GRIK2: variants seen among roughly 807,000 people sequenced by gnomAD.
GRIK2 encodes glutamate ionotropic receptor kainate type subunit 2.
GRIK2 carries 32 observed loss-of-function variants against 100.3 expected under a neutral mutation model. The observed-to-expected ratio is 0.32, with a 90% confidence interval of 0.24 to 0.43. The LOEUF (loss-of-function observed/expected upper bound fraction) is 0.43. Ranked by LOEUF, GRIK2 falls within the 20% of genes least tolerant of loss-of-function variation. The probability of loss-of-function intolerance (pLI) is 1.00; values close to 1 mark genes in which losing one functional copy is unlikely to be tolerated. For synonymous variants in GRIK2, 417 were observed against 389.4 expected (o/e 1.07, Z -0.83); for missense variants, 843 against 1,114.9 (o/e 0.76, Z 3.47).
intron 7 of GRIK2, among the ~76,000 whole-genome samples, chr6:101,719,592 A>C (rs1192056540): frequency 6.6e-6 from 1 of 151,994 alleles, no homozygotes; most frequent in Non-Finnish European, 1.5e-5. Flanking sequence ...TTCAGTGGGC[A>C]GTTAGATGCA....
intron 2 of GRIK2, among the ~76,000 whole-genome samples, chr6:101,556,064 A>T (rs556622964): frequency 2.6e-5 from 4 of 152,104 alleles, no homozygotes; most frequent in Non-Finnish European, 4.4e-5. Context: ...GAATTACTAC[A>T]TTTTTATTTT....
chr6:101,642,592 C>A (rs1194438299), intron 4 of GRIK2, among the ~76,000 whole-genome samples: 1 of 151,638 alleles, frequency 6.6e-6, no homozygotes, highest in East Asian at 1.9e-4. Flanking sequence ...TTTTAAGGCT[C>A]AATTATATTC....
intron 7 of GRIK2, among the ~76,000 whole-genome samples, chr6:101,704,722 G>T (rs1241072150): frequency 1.3e-5 from 2 of 150,770 alleles, no homozygotes; most frequent in Non-Finnish European, 3.0e-5. Context: ...TAGTAAAGGA[G>T]GTTCTTTCCA....
At chr6:101,431,872 C>T (rs73502645) in intron 2 of GRIK2, among the ~76,000 whole-genome samples, 7,370 of 152,058 alleles carry the variant, frequency 0.048, 360 homozygotes, top group African/African-American at 0.11. Flanking sequence ...TGTAGACCCA[C>T]GTGCACTTTT....
chr6:101,864,818 G>A (rs1784951104), intron 11 of GRIK2, among the ~76,000 whole-genome samples: 1 of 152,012 alleles, frequency 6.6e-6, no homozygotes, highest in Non-Finnish European at 1.5e-5. Context: ...AATGTTATCA[G>A]AGAAAAGGGG....
intron 14 of GRIK2, 105 bp downstream of exon 14, chr6:101,928,737 A>G: frequency 1.5e-6 from 1 of 667,680 alleles, no homozygotes; most frequent in Non-Finnish European, 2.7e-6. Context: ...TTTGTGCACA[A>G]TTCTTAATAA....
chr6:101,497,781 T>G (rs2518241), intron 2 of GRIK2, among the ~76,000 whole-genome samples: 91,602 of 151,860 alleles, frequency 0.6, 28,703 homozygotes, highest in African/African-American at 0.77. Context: ...ATAAGAAATA[T>G]AAATTTATGG....
intron 14 of GRIK2, among the ~76,000 whole-genome samples, chr6:101,969,584 A>G (rs1265563801): frequency 6.6e-6 from 1 of 152,068 alleles, no homozygotes; most frequent in Non-Finnish European, 1.5e-5. Context: ...CAACTATGAT[A>G]GAGCATATGA....
chr6:101,646,348 T>G (rs1781527266), intron 4 of GRIK2, among the ~76,000 whole-genome samples: 1 of 152,016 alleles, frequency 6.6e-6, no homozygotes. Context: ...GCATCTAGTT[T>G]AGCCAGGACA....
At chr6:101,596,381 G>GT (rs1355008579) in intron 2 of GRIK2, among the ~76,000 whole-genome samples, 3 of 151,362 alleles carry the variant, frequency 2.0e-5, no homozygotes, top group Non-Finnish European at 3.0e-5. Context: ...AGTATCAGTT[G>GT]TTTTTTCTTT....
chr6:102,035,757 G>GA (rs1770237028), intron 15 of GRIK2, among the ~76,000 whole-genome samples, 191 bp downstream of exon 15: 1 of 151,218 alleles, frequency 6.6e-6, no homozygotes, highest in African/African-American at 2.4e-5. Context: ...TCAAAAATAG[G>GA]AAAAAATAAT....
chr6:101,818,378 G>A lies in GRIK2; in HGVS notation c.1212G>A (p.Thr404=), dbSNP rs372157937. 2.4e-5 allele frequency: 38 copies of A among 1,589,234 alleles called. No homozygotes were observed. Among genetic ancestry groups the A allele is most frequent in the African/African-American group, 8.1e-5 (6 of 74,496 alleles). The change falls in exon 10 of 17, where the codon ACG becomes ACA. Residue 404 remains threonine, a synonymous_variant. Transcript: ENST00000369134. ...LKEEGLEKIG[T]WDPASGLNMT... is the part of the protein sequence containing the mutation. ...CATATGCTATTTTATAGATTGGAAC[G>A]TGGGATCCAGCCAGTGGCCTGAATA...
At chr6:101,624,913 CT>C (rs1780359810) in intron 3 of GRIK2, among the ~76,000 whole-genome samples, 3 of 151,772 alleles carry the variant, frequency 2.0e-5, no homozygotes, top group African/African-American at 7.3e-5. Flanking sequence ...TTTTTTGTTT[CT>C]TTTTGTTTGT....
At chr6:101,838,284 AT>A (rs1240380766) in intron 10 of GRIK2, among the ~76,000 whole-genome samples, 2 of 152,324 alleles carry the variant, frequency 1.3e-5, no homozygotes, top group East Asian at 3.9e-4. Context: ...TAAAACTTGT[AT>A]TAAATAAATT....
At chr6:102,016,231 G>A (rs985591507) in intron 14 of GRIK2, among the ~76,000 whole-genome samples, 9 of 152,076 alleles carry the variant, frequency 5.9e-5, no homozygotes, top group Non-Finnish European at 2.9e-5. Context: ...CATTGAAACC[G>A]AATATAAAGA....
At chr6:101,899,630 T>G (rs890511530) in intron 12 of GRIK2, among the ~76,000 whole-genome samples, 1 of 152,128 alleles carries the variant, frequency 6.6e-6, no homozygotes, top group African/African-American at 2.4e-5. Flanking sequence ...TTTCGCTTTC[T>G]CATGGGCTTC....
At position 101,600,535 on chromosome 6, in the gene GRIK2, A is replaced by G. The variant is rs141583060; in HGVS notation, c.116-21414A>G. Among the ~76,000 whole-genome samples the G allele has an allele frequency of 2.3e-4, 35 of 152,084 alleles. 1 individual carries two copies. In the East Asian group the frequency reaches 5.8e-3, roughly 25 times the overall value. Reference sequence around the variant, plus strand: ...ATATTGGTTCTTTCAATCCATGAGCATGGAATGTTTTTCTATTTGTTTGTG... The same window carrying G: ...ATATTGGTTCTTTCAATCCATGAGCGTGGAATGTTTTTCTATTTGTTTGTG... On this transcript the variant is annotated intron_variant, in intron 2 of 16. Transcript: ENST00000369134.
chr6:101,546,246 C>T (rs535430924), intron 2 of GRIK2, among the ~76,000 whole-genome samples: 4 of 152,180 alleles, frequency 2.6e-5, no homozygotes, highest in South Asian at 4.2e-4. Context: ...TAAGATGTTG[C>T]GGTTATCTCA....
intron 2 of GRIK2, among the ~76,000 whole-genome samples, chr6:101,621,130 A>C (rs995489819): frequency 1.3e-5 from 2 of 152,180 alleles, no homozygotes; most frequent in African/African-American, 2.4e-5. Flanking sequence ...TCTCGCAAGT[A>C]AGATGCTGAA....
Sources: gnomAD v4.1 joint callset for allele counts (sites outside exome capture counted in the v4.1 genomes callset) on GRCh38, gnomAD v4.1.1 for gene constraint, MANE v1.5 for transcripts, NCBI Gene and HGNC (gene_info 2026-07-23, HGNC 2026-07-21) for gene names.